YWHAZ: variants seen among roughly 807,000 people sequenced by gnomAD.
YWHAZ encodes 14-3-3 protein zeta/delta.
For missense variants in YWHAZ, 79 were observed against 284.8 expected, an observed-to-expected ratio of 0.28 and a Z score of 5.20; for synonymous variants, 87 against 103.6, an observed-to-expected ratio of 0.84 and a Z score of 0.97.
chr8:100,949,029 G>T, intron 1 of YWHAZ, 129 bp from the exon 2 acceptor site: 1 of 1,091,736 alleles, frequency 9.2e-7, no homozygotes, highest in Non-Finnish European at 1.3e-6. Context: ...TTCACATGAG[G>T]AATTAAAATG....
At chr8:100,950,156 CTATT>C (rs1810603353) in intron 1 of YWHAZ, among the ~76,000 whole-genome samples, 1 of 152,308 alleles carries the variant, frequency 6.6e-6, no homozygotes, top group African/African-American at 2.4e-5. Context: ...AATACGTAAA[CTATT>C]TAACCTTTAT....
chr8:100,934,819 T>C (rs1448587084), intron 2 of YWHAZ: 1 of 152,178 alleles, frequency 6.6e-6, no homozygotes, highest in Non-Finnish European at 1.5e-5. Flanking sequence ...ACTTTGCACA[T>C]AAATTCCCAG....
intron 2 of YWHAZ, among the ~76,000 whole-genome samples, chr8:100,943,983 T>A (rs1810070277): frequency 9.7e-6 from 1 of 103,476 alleles, no homozygotes. Flanking sequence ...CAAGACTCCG[T>A]CTCAAAAAAA....
At chr8:100,933,327 C>G (rs1408695483) in intron 2 of YWHAZ, among the ~76,000 whole-genome samples, 1 of 151,354 alleles carries the variant, frequency 6.6e-6, no homozygotes, top group Admixed American at 6.6e-5. Context: ...CCACTGCACT[C>G]CAGCCTGGGT....
At position 100,918,408 on chromosome 8, in the gene YWHAZ, T is replaced by TTTTATATA. The variant is rs1554611375; in HGVS notation, c.*2284_*2285insTATATAAA. ...AGTCTAGCTATAAAATATAATTACT[T>TTTTATATA]TATATATATATATATATATATATAT... On this transcript the variant is annotated 3_prime_UTR_variant, in exon 6 of 6. Transcript: ENST00000395958. 2.4e-5 allele frequency: 1 copy of TTTTATATA among 41,882 alleles called. No individual in the cohort carries two copies. Among genetic ancestry groups the TTTTATATA allele is most frequent in the Non-Finnish European group, 4.8e-5 (1 of 20,796 alleles). The allele number at this position is 41,882 out of a possible 1,614,324, so 2.6% of individuals were successfully genotyped here. A position where few individuals can be genotyped will look rare whatever the true frequency, so the allele number is the denominator to read the frequency against.
chr8:100,920,469 A>T lies in YWHAZ; in HGVS notation c.*224T>A. 1 of 563,772 alleles carries T rather than the reference A, an allele frequency of 1.8e-6. No homozygotes were observed. The highest frequency in any genetic ancestry group is 3.1e-5 in the East Asian group (1 of 32,618). 34.9% of individuals were successfully genotyped at this position (563,772 alleles called of 1,614,324 possible). A position where few individuals can be genotyped will look rare whatever the true frequency, so the allele number is the denominator to read the frequency against. On this transcript the variant is annotated 3_prime_UTR_variant, in exon 6 of 6. Coordinates refer to ENST00000395958, the MANE Select transcript of YWHAZ (RefSeq NM_145690.3). ...ACTTGTATAAAAATTCCACATCCCC[A>T]TATTGGCCACCTCAAGATGAAAACA...
At chr8:100,921,756 G>GA (rs1254492714) in intron 5 of YWHAZ, among the ~76,000 whole-genome samples, 1 of 152,182 alleles carries the variant, frequency 6.6e-6, no homozygotes, top group Non-Finnish European at 1.5e-5. Context: ...AGGTAAAAAT[G>GA]AAAGTTGTCC....
intron 2 of YWHAZ, among the ~76,000 whole-genome samples, chr8:100,925,602 A>G (rs186257921): frequency 4.6e-5 from 7 of 152,214 alleles, no homozygotes; most frequent in African/African-American, 1.4e-4. Flanking sequence ...TATTTTTCCT[A>G]AAGACAGTGG....
intron 1 of YWHAZ, chr8:100,951,288 T>C: frequency 1.0e-6 from 1 of 984,344 alleles, no homozygotes; most frequent in Non-Finnish European, 1.2e-6. Context: ...CGGCCAGGCC[T>C]TTCCCTCGCG....
At chr8:100,945,929 A>C (rs1441396303) in intron 2 of YWHAZ, among the ~76,000 whole-genome samples, 1 of 152,130 alleles carries the variant, frequency 6.6e-6, no homozygotes, top group Non-Finnish European at 1.5e-5. Context: ...TGCAAAGATC[A>C]CTAAGTCTTA....
At chr8:100,939,122 A>G (rs769808043) in intron 2 of YWHAZ, among the ~76,000 whole-genome samples, 2 of 152,214 alleles carry the variant, frequency 1.3e-5, no homozygotes, top group South Asian at 2.1e-4. Context: ...CTTTATTAAT[A>G]TAATTCCTGT....
chr8:100,948,192 C>T lies in YWHAZ; in HGVS notation c.294+404G>A. ...AATCCTGAGAAGAGTACTATTTCTA[C>T]AATGAGTATCCTATTACATCTCTCT... On this transcript the variant is annotated intron_variant, in intron 2 of 5. Transcript: ENST00000395958. This position sits in a 1 kb window ranked among gnomAD's most constrained non-coding sequence, Gnocchi z 4.2. 6.9e-7 allele frequency: 1 copy of T among 1,456,078 alleles called. No individual in the cohort carries two copies. Among genetic ancestry groups the T allele is most frequent in the Non-Finnish European group, 9.2e-7 (1 of 1,086,364 alleles). 90.2% of individuals were successfully genotyped at this position (1,456,078 alleles called of 1,614,324 possible). A position where few individuals can be genotyped will look rare whatever the true frequency, so the allele number is the denominator to read the frequency against.
At chr8:100,950,714 A>G (rs1810679209) in intron 1 of YWHAZ, 1 of 542,440 alleles carries the variant, frequency 1.8e-6, no homozygotes, top group African/African-American at 2.1e-5. Context: ...GAGACGCCAC[A>G]GCAGCCCGCA....
intron 1 of YWHAZ, among the ~76,000 whole-genome samples, chr8:100,950,243 T>C (rs1191023508): frequency 6.6e-6 from 1 of 152,220 alleles, no homozygotes; most frequent in Non-Finnish European, 1.5e-5. Context: ...TCTCTGGTTA[T>C]TTCTGCTTCT....
At chr8:100,921,066 G>A (rs947954860) in intron 5 of YWHAZ, among the ~76,000 whole-genome samples, 1 of 152,010 alleles carries the variant, frequency 6.6e-6, no homozygotes, top group Non-Finnish European at 1.5e-5. Flanking sequence ...ATGGAGTCTC[G>A]CTCTGTCACC....
intron 2 of YWHAZ, among the ~76,000 whole-genome samples, chr8:100,934,515 A>C (rs1348629818): frequency 1.3e-5 from 2 of 152,040 alleles, no homozygotes; most frequent in Non-Finnish European, 2.9e-5. Context: ...AGCCTGGCTA[A>C]CATGGCGAAA....
chr8:100,941,733 C>A (rs1055126182), intron 2 of YWHAZ, among the ~76,000 whole-genome samples: 1 of 150,526 alleles, frequency 6.6e-6, no homozygotes, highest in East Asian at 2.0e-4. Context: ...TGCAGTGAGG[C>A]GAGATTGTGC....
chr8:100,931,119 A>G (rs1399096647), intron 2 of YWHAZ, among the ~76,000 whole-genome samples: 1 of 152,242 alleles, frequency 6.6e-6, no homozygotes, highest in East Asian at 1.9e-4. Flanking sequence ...TAGATTGTGA[A>G]AACACTTCCA....
chr8:100,950,483 A>C, intron 1 of YWHAZ: 24 of 985,594 alleles, frequency 2.4e-5, no homozygotes, highest in Non-Finnish European at 2.9e-5. Context: ...CGGTCCGCGT[A>C]TCGCAACCAC....
Sources: gnomAD v4.1 joint callset for allele counts (sites outside exome capture counted in the v4.1 genomes callset) on GRCh38, gnomAD v4.1.1 for gene constraint, Gnocchi (gnomAD v3.1) non-coding constraint, MANE v1.5 for transcripts, NCBI Gene and HGNC (gene_info 2026-07-23, HGNC 2026-07-21) for gene names.